GNAQ: variants seen among roughly 807,000 people sequenced by gnomAD.
GNAQ encodes guanine nucleotide-binding protein G(q) subunit alpha.
GNAQ carries 8 observed loss-of-function variants against 43.9 expected under a neutral mutation model. The observed-to-expected ratio is 0.18, with a 90% confidence interval of 0.11 to 0.33. The LOEUF (loss-of-function observed/expected upper bound fraction) is 0.33, where lower values mean the gene tolerates loss of function less well. Ranked by LOEUF, GNAQ falls within the 10% of genes least tolerant of loss-of-function variation. GNAQ has a pLI of 1.00. For missense variants in GNAQ, 158 were observed against 450.8 expected (o/e 0.35, Z 5.88); for synonymous variants, 155 against 170.7 (o/e 0.91, Z 0.71).
chr9:77,835,558 T>C (rs1208853597), intron 2 of GNAQ, among the ~76,000 whole-genome samples: 1 of 152,188 alleles, frequency 6.6e-6, no homozygotes, highest in Non-Finnish European at 1.5e-5. Flanking sequence ...TCATATATAG[T>C]AAAGACAGAA....
At chr9:77,916,600 T>C (rs1205737800) in intron 2 of GNAQ, among the ~76,000 whole-genome samples, 1 of 152,198 alleles carries the variant, frequency 6.6e-6, no homozygotes, top group Non-Finnish European at 1.5e-5. Context: ...CAAAAGGCAC[T>C]GTAGCAATAC....
intron 5 of GNAQ, 70 bp from the exon 6 acceptor site, chr9:77,728,737 T>C (rs1032894314): frequency 1.8e-6 from 2 of 1,122,768 alleles, no homozygotes; most frequent in African/African-American, 3.1e-5. Context: ...TGAATTGTGT[T>C]TATTTTATAA....
chr9:77,999,830 C>A (rs968260523), intron 1 of GNAQ, among the ~76,000 whole-genome samples: 2 of 152,014 alleles, frequency 1.3e-5, no homozygotes, highest in Admixed American at 1.3e-4. Flanking sequence ...AAACTGGAGG[C>A]CAATAAAAAT....
chr9:77,965,143 A>C (rs1823150919), intron 1 of GNAQ, among the ~76,000 whole-genome samples: 1 of 152,114 alleles, frequency 6.6e-6, no homozygotes, highest in Non-Finnish European at 1.5e-5. Flanking sequence ...TGAATTATCT[A>C]ACCTGTTACC....
At chr9:77,969,543 T>C (rs934836349) in intron 1 of GNAQ, among the ~76,000 whole-genome samples, 14 of 152,234 alleles carry the variant, frequency 9.2e-5, no homozygotes, top group Non-Finnish European at 1.8e-4. Flanking sequence ...GGTTACATTA[T>C]ATATAATACA....
intron 5 of GNAQ, among the ~76,000 whole-genome samples, chr9:77,732,623 C>T (rs1825513249): frequency 1.3e-5 from 2 of 152,146 alleles, no homozygotes; most frequent in Admixed American, 1.3e-4. Context: ...GCCTTGGCCT[C>T]CCAAAGTGCT....
intron 5 of GNAQ, among the ~76,000 whole-genome samples, chr9:77,772,818 T>C (rs1826247532): frequency 6.6e-6 from 1 of 152,162 alleles, no homozygotes. Flanking sequence ...GGGTGTCCAA[T>C]CTCTTGACTT....
chr9:77,921,437 G>A (rs1340773040), intron 2 of GNAQ, among the ~76,000 whole-genome samples: 2 of 152,206 alleles, frequency 1.3e-5, no homozygotes, highest in Non-Finnish European at 2.9e-5. Flanking sequence ...TTAATATTTA[G>A]AGGATGAGCA....
At chr9:77,903,437 C>T (rs1046483567) in intron 2 of GNAQ, among the ~76,000 whole-genome samples, 15 of 152,138 alleles carry the variant, frequency 9.9e-5, no homozygotes, top group African/African-American at 3.6e-4. Context: ...GAAGCAGGGA[C>T]TGTAAGGAGG....
At chr9:77,785,725 A>C (rs547293455) in intron 5 of GNAQ, among the ~76,000 whole-genome samples, 1 of 152,354 alleles carries the variant, frequency 6.6e-6, no homozygotes, top group South Asian at 2.1e-4. Context: ...TGCAGACAAT[A>C]AATTAAAATT....
At chr9:77,840,505 T>C (rs1371985077) in intron 2 of GNAQ, among the ~76,000 whole-genome samples, 4 of 152,072 alleles carry the variant, frequency 2.6e-5, no homozygotes, top group Admixed American at 2.6e-4. Context: ...CCTGGCTAAC[T>C]TTTGTATTTT....
chr9:77,909,178 T>G (rs1408259911), intron 2 of GNAQ, among the ~76,000 whole-genome samples: 7 of 152,134 alleles, frequency 4.6e-5, no homozygotes, highest in African/African-American at 1.7e-4. Flanking sequence ...AAGCATATGG[T>G]ATTGATTATT....
chr9:77,797,486 G>C (rs1444523743), intron 4 of GNAQ, 34 bp downstream of exon 4: 1 of 1,569,222 alleles, frequency 6.4e-7, no homozygotes, highest in Non-Finnish European at 8.8e-7. Flanking sequence ...AGGCATAAAA[G>C]CTGGGAAATA....
Position 77,762,329 on chromosome 9 carries a change from C to T in GNAQ, c.735+32134G>A, listed in dbSNP as rs1240200734. 2.7e-5 allele frequency among the ~76,000 whole-genome samples: 4 copies of T among 146,426 alleles called. 1 individual carries two copies. The highest frequency in any genetic ancestry group is 6.1e-5 in the Non-Finnish European group (4 of 66,060). On this transcript the variant is annotated intron_variant, in intron 5 of 6. Transcript: ENST00000286548. ...GTCAGCCCCCCGCCCGGCCAGCCGC[C>T]CCACCTGGGAGGTGAGGGGCGCCTC... is the stretch of plus-strand genomic sequence containing the variant.
At chr9:77,769,631 G>A (rs1248841334) in intron 5 of GNAQ, among the ~76,000 whole-genome samples, 2 of 150,946 alleles carry the variant, frequency 1.3e-5, no homozygotes, top group East Asian at 3.9e-4. Context: ...CAACAAGAAT[G>A]ACCCTTTTCT....
chr9:77,782,981 T>C (rs1331085352), intron 5 of GNAQ, among the ~76,000 whole-genome samples: 1 of 152,170 alleles, frequency 6.6e-6, no homozygotes, highest in African/African-American at 2.4e-5. Context: ...GGTTGCCAAA[T>C]GGCAGGGGGA....
intron 2 of GNAQ, among the ~76,000 whole-genome samples, chr9:77,918,296 A>G (rs1249392376): frequency 1.3e-5 from 2 of 152,218 alleles, no homozygotes; most frequent in African/African-American, 4.8e-5. Context: ...ATTATGGCCA[A>G]TGTGATGGTG....
At chr9:78,003,252 G>C (rs1045450022) in intron 1 of GNAQ, among the ~76,000 whole-genome samples, 2 of 152,146 alleles carry the variant, frequency 1.3e-5, no homozygotes, top group African/African-American at 4.8e-5. Flanking sequence ...CCTTCAAGAG[G>C]GAAAATTAGA....
chr9:77,898,090 C>T (rs377612725), intron 2 of GNAQ, among the ~76,000 whole-genome samples: 3 of 152,044 alleles, frequency 2.0e-5, no homozygotes, highest in Admixed American at 6.6e-5. Flanking sequence ...TCTGTAGAAA[C>T]GATAGAACCA....
Sources: allele counts gnomAD v4.1 joint callset (sites outside exome capture counted in the v4.1 genomes callset), GRCh38; gene constraint gnomAD v4.1.1; transcripts MANE v1.5; gene names NCBI Gene and HGNC (gene_info 2026-07-23, HGNC 2026-07-21).